TBX4: variants seen among roughly 807,000 people sequenced by gnomAD.
TBX4 encodes T-box transcription factor TBX4.
A neutral mutation model predicts 54.6 loss-of-function variants in TBX4; 13 were observed. The observed-to-expected ratio is 0.24, with a 90% CI of 0.15 to 0.38. The LOEUF (loss-of-function observed/expected upper bound fraction) is 0.38. Ranked by LOEUF, TBX4 falls within the 10% of genes least tolerant of loss-of-function variation. The pLI is 1.00. For synonymous variants in TBX4, 314 were observed against 306.7 expected (o/e 1.02, Z -0.25); for missense variants, 631 against 728.5 (o/e 0.87, Z 1.54).
chr17:61,466,771 T>C (rs2060540260), intron 4 of TBX4, among the ~76,000 whole-genome samples: 1 of 152,240 alleles, frequency 6.6e-6, no homozygotes, highest in Non-Finnish European at 1.5e-5. Context: ...TACCAATTAA[T>C]TTCTTACCAT....
chr17:61,468,279 C>T (rs1278197978), intron 5 of TBX4, among the ~76,000 whole-genome samples: 1 of 152,246 alleles, frequency 6.6e-6, no homozygotes, highest in African/African-American at 2.4e-5. Context: ...GCTGACGCCC[C>T]ATCCAGGCAG....
chr17:61,465,727 T>A lies in TBX4; in HGVS notation c.282-92T>A, dbSNP rs2060531291. ...AGGATCGCTGGCCAAAAGGGCAGCA[T>A]CTGTTAGCGGCCTTCTGCCCCCTTG... On this transcript the variant is annotated intron_variant, in intron 3 of 8. Transcript: ENST00000644296. This position sits in a 1 kb window ranked among gnomAD's most constrained non-coding sequence, Gnocchi z 4.9. The A allele has an allele frequency of 6.5e-7, 1 of 1,545,508 alleles. No homozygotes were observed. Among genetic ancestry groups the A allele is most frequent in the African/African-American group, 1.4e-5 (1 of 73,244 alleles).
intron 5 of TBX4, among the ~76,000 whole-genome samples, chr17:61,469,369 C>T (rs923195967): frequency 6.6e-6 from 1 of 152,198 alleles, no homozygotes; most frequent in Non-Finnish European, 1.5e-5. Context: ...AGTGAGGCTG[C>T]TTGATGGGCT....
rs2060690922 is a variant in TBX4, at chr17:61,484,727, A to G, written c.*1211A>G. 2.0e-5 allele frequency: 3 copies of G among 148,040 alleles called. No individual in the cohort carries two copies. The highest frequency in any genetic ancestry group is 7.4e-5 in the African/African-American group (3 of 40,502). 9.2% of individuals were successfully genotyped at this position (148,040 alleles called of 1,614,324 possible). On this transcript the variant is annotated 3_prime_UTR_variant, in exon 9 of 9. Transcript: ENST00000644296. This position sits in a 1 kb window ranked among gnomAD's most constrained non-coding sequence, Gnocchi z 4.1. ...TCACTAAACTCTTTGCATGCTGAATAGCTATTTATATATTATATAAATAAA... is the reference window on the plus strand; with the variant it reads ...TCACTAAACTCTTTGCATGCTGAATGGCTATTTATATATTATATAAATAAA...
At chr17:61,458,233 A>C (rs552990101) in intron 3 of TBX4, among the ~76,000 whole-genome samples, 73 of 151,422 alleles carry the variant, frequency 4.8e-4, no homozygotes, top group Non-Finnish European at 8.3e-4. Context: ...AAACATCTTT[A>C]AAATGCGCTG....
At chr17:61,466,058 T>C (rs1295078180) in intron 4 of TBX4, 120 bp downstream of exon 4, 3 of 1,488,786 alleles carry the variant, frequency 2.0e-6, no homozygotes, top group East Asian at 4.7e-5. Flanking sequence ...GTCTGCAGGC[T>C]GGAGTCCACT....
chr17:61,453,540 T>C (rs913837202), intron 1 of TBX4, among the ~76,000 whole-genome samples: 1 of 152,202 alleles, frequency 6.6e-6, no homozygotes, highest in African/African-American at 2.4e-5. Flanking sequence ...TTATGACCAA[T>C]GTATTAATAG....
chr17:61,483,612 C>CCGTG lies in TBX4; in HGVS notation c.*96_*97insCGTG. 1.2e-6 allele frequency: 1 copy of CCGTG among 859,592 alleles called. No individual in the cohort carries two copies. The highest frequency in any genetic ancestry group is 1.7e-6 in the Non-Finnish European group (1 of 584,128). The allele number at this position is 859,592 out of a possible 1,614,324, so 53.2% of individuals were successfully genotyped here. Reference sequence around the variant, plus strand: ...TACCAAGAAACACAGGAAGGTATTCCAGTGTGTGTGTGTGTGTGTGTGTGT... The same window carrying CCGTG: ...TACCAAGAAACACAGGAAGGTATTCCCGTGAGTGTGTGTGTGTGTGTGTGTGTGT... On this transcript the variant is annotated 3_prime_UTR_variant, in exon 9 of 9. Coordinates refer to ENST00000644296, the MANE Select transcript of TBX4 (RefSeq NM_001321120.2). The surrounding 1 kb of genome is among the most constrained non-coding windows in gnomAD (Gnocchi z 6.6).
rs141536152 is a variant in TBX4 at position 61,467,595 on chromosome 17, C to A, written c.487C>A (p.Arg163=). ...DSPATGAHWM[R]QLVSFQKLKL... ...TCCTGCCACAGGAGCCCACTGGATGCGGCAGCTGGTCTCCTTCCAGAAGCT... is the reference window on the plus strand; with the variant it reads ...TCCTGCCACAGGAGCCCACTGGATGAGGCAGCTGGTCTCCTTCCAGAAGCT... The change falls in exon 5 of 9, where the codon CGG becomes AGG. Residue 163 remains arginine (R), a synonymous_variant. Transcript: ENST00000644296. 1.2e-6 allele frequency: 2 copies of A among 1,614,082 alleles called. No homozygotes were observed. Among genetic ancestry groups the A allele is most frequent in the African/African-American group, 2.7e-5 (2 of 74,948 alleles).
intron 3 of TBX4, among the ~76,000 whole-genome samples, chr17:61,458,076 G>A (rs1283475003): frequency 6.6e-6 from 1 of 151,818 alleles, no homozygotes; most frequent in Non-Finnish European, 1.5e-5. Flanking sequence ...TGAGTGACTC[G>A]AACCCCAAGT....
chr17:61,456,563 A>C lies in TBX4; in HGVS notation c.73A>C (p.Ser25Arg), dbSNP rs1337068913. Reference sequence around the variant, plus strand: ...CCCGGGCCCAGCGCTCGGAGAGGCCAGCGCAGCCAACGCCCCCGAGCCCGC... The same window carrying C: ...CCCGGGCCCAGCGCTCGGAGAGGCCCGCGCAGCCAACGCCCCCGAGCCCGC... ...RAPGPALGEA[S>R]AANAPEPALA... is the part of the protein sequence containing the mutation. The change falls in exon 2 of 9, where the codon AGC becomes CGC. Residue 25 changes from serine (S) to arginine (R), a missense_variant. By Grantham distance (110) the Ser-to-Arg change is moderately radical (BLOSUM62 -1). Around this residue, in one of 3 missense-constraint regions of TBX4, gnomAD observed 123 missense variants for 120.9 expected, o/e 1.02. Coordinates refer to ENST00000644296, the MANE Select transcript of TBX4 (RefSeq NM_001321120.2). 1.3e-6 allele frequency: 2 copies of C among 1,546,642 alleles called. No individual in the cohort carries two copies. The highest frequency in any genetic ancestry group is 4.9e-5 in the East Asian group (2 of 40,692).
rs1321536183 is a variant in TBX4, at chr17:61,474,629, T to G, written c.550-3998T>G. On this transcript the variant is annotated intron_variant, in intron 5 of 8. Coordinates refer to ENST00000644296, the MANE Select transcript of TBX4 (RefSeq NM_001321120.2). This position sits in a 1 kb window ranked among gnomAD's most constrained non-coding sequence, Gnocchi z 4.6. ...TAAAATAGAACAGGCTTCTGAATTG[T>G]GGCCAGAACATAATGAATCCCATTT... Among the ~76,000 whole-genome samples the G allele has an allele frequency of 6.6e-6, 1 of 152,210 alleles. No homozygotes were observed.
chr17:61,457,492 G>A lies in TBX4; in HGVS notation c.187-45G>A, dbSNP rs2060460958. On this transcript the variant is annotated intron_variant, in intron 2 of 8. Coordinates refer to ENST00000644296, the MANE Select transcript of TBX4 (RefSeq NM_001321120.2). The surrounding 1 kb of genome is among the most constrained non-coding windows in gnomAD (Gnocchi z 8.2). ...CTTCTTTCCTCAGGCTCCGCGTGGA[G>A]CCCTGGGCCTGGCAGACACAAGTTT... 2.5e-6 allele frequency: 4 copies of A among 1,578,982 alleles called. No homozygotes were observed. In the South Asian group the frequency reaches 3.3e-5, roughly 13 times the overall value.
chr17:61,452,774 G>T (rs929718784), intron 1 of TBX4, among the ~76,000 whole-genome samples, 197 bp downstream of exon 1: 2 of 152,188 alleles, frequency 1.3e-5, no homozygotes, highest in Non-Finnish European at 2.9e-5. Context: ...CCGCCGCCTC[G>T]GCCCGACACC....
intron 5 of TBX4, among the ~76,000 whole-genome samples, chr17:61,469,428 C>T (rs1882773253): frequency 6.6e-6 from 1 of 152,190 alleles, no homozygotes; most frequent in Non-Finnish European, 1.5e-5. Context: ...CTGCCTGGCG[C>T]TTCCCTTGCC....
At chr17:61,469,553 G>C (rs1341973356) in intron 5 of TBX4, among the ~76,000 whole-genome samples, 1 of 152,120 alleles carries the variant, frequency 6.6e-6, no homozygotes, top group Non-Finnish European at 1.5e-5. Context: ...CAGTTTATTG[G>C]CTACAACAGC....
At position 61,483,129 on chromosome 17, in the gene TBX4, T is replaced by C. The variant is rs150277085; in HGVS notation, c.1254T>C (p.Cys418=). ...VDDLPPPPLS[C]NMWTSVSPYT... is the part of the protein sequence containing the mutation. ...ACCTGCCCCCACCTCCGCTGAGCTG[T>C]AACATGTGGACTTCAGTGTCGCCGT... The change falls in exon 9 of 9, where the codon TGT becomes TGC. Residue 418 remains cysteine, a synonymous_variant. Coordinates refer to ENST00000644296, the MANE Select transcript of TBX4 (RefSeq NM_001321120.2). The surrounding 1 kb of genome is among the most constrained non-coding windows in gnomAD (Gnocchi z 6.6). 2 of 1,613,962 alleles carry C rather than the reference T, an allele frequency of 1.2e-6. No homozygotes were observed. Among genetic ancestry groups the C allele is most frequent in the Non-Finnish European group, 1.7e-6 (2 of 1,180,024 alleles).
chr17:61,473,194 G>A (rs1464387090), intron 5 of TBX4, among the ~76,000 whole-genome samples: 4 of 152,174 alleles, frequency 2.6e-5, no homozygotes, highest in Admixed American at 2.0e-4. Flanking sequence ...CCTTGAAATG[G>A]CCCTGCACGT....
chr17:61,454,003 T>C (rs920947636), intron 1 of TBX4, among the ~76,000 whole-genome samples: 2 of 152,204 alleles, frequency 1.3e-5, no homozygotes, highest in Admixed American at 1.3e-4. Context: ...TGACCTATTG[T>C]TCACTATGTC....
Sources: allele counts gnomAD v4.1 joint callset (sites outside exome capture counted in the v4.1 genomes callset), GRCh38; gene constraint gnomAD v4.1.1; regional missense constraint gnomAD v4.1.1; non-coding constraint Gnocchi (gnomAD v3.1); transcripts MANE v1.5; gene names NCBI Gene and HGNC (gene_info 2026-07-23, HGNC 2026-07-21).